The following ADAMTS12 variants were observed in gnomAD, a reference collection of about 807,000 sequenced individuals.
ADAMTS12 encodes the protein A disintegrin and metalloproteinase with thrombospondin motifs 12.
Under a neutral mutation model 167.8 loss-of-function variants are expected in ADAMTS12, and 118 were observed. The observed-to-expected ratio is 0.70, with a 90% CI of 0.61 to 0.82. The LOEUF is 0.82. Among genes scored for constraint, ADAMTS12 ranks in the 40% least tolerant of loss-of-function variants. ADAMTS12 has a pLI of 0.00. For synonymous variants in ADAMTS12, 704 were observed against 716.9 expected (o/e 0.98, Z 0.29); for missense variants, 1,916 against 1,998.8 (o/e 0.96, Z 0.79).
chr5:33,866,883 CAAT>C (rs1749842097), intron 2 of ADAMTS12, among the ~76,000 whole-genome samples: 1 of 151,636 alleles, frequency 6.6e-6, no homozygotes, highest in Admixed American at 6.6e-5. Context: ...ATTCAAACTA[CAAT>C]GAGATACTAT....
chr5:33,593,149 C>A (rs946658418), intron 17 of ADAMTS12, among the ~76,000 whole-genome samples: 1 of 152,018 alleles, frequency 6.6e-6, no homozygotes, highest in Non-Finnish European at 1.5e-5. Context: ...TGGTGGTGTG[C>A]GCCTGTAATC....
At chr5:33,665,212 T>C (rs890828793) in intron 5 of ADAMTS12, among the ~76,000 whole-genome samples, 2 of 152,074 alleles carry the variant, frequency 1.3e-5, no homozygotes, top group Admixed American at 1.3e-4. Flanking sequence ...AAAGTAAAAC[T>C]GAGAAGCAGA....
At chr5:33,628,156 G>A (rs766118036) in intron 13 of ADAMTS12, among the ~76,000 whole-genome samples, 42 of 152,228 alleles carry the variant, frequency 2.8e-4, no homozygotes, top group South Asian at 6.2e-4. Flanking sequence ...CCAACGTTAT[G>A]CTGACTGTGT....
intron 5 of ADAMTS12, among the ~76,000 whole-genome samples, chr5:33,677,686 T>C (rs1030230333): frequency 6.6e-6 from 1 of 152,224 alleles, no homozygotes; most frequent in African/African-American, 2.4e-5. Context: ...GACAGGGACA[T>C]GACAGGAGTG....
intron 18 of ADAMTS12, among the ~76,000 whole-genome samples, chr5:33,587,063 C>T (rs1319333309): frequency 3.3e-5 from 5 of 150,604 alleles, no homozygotes; most frequent in African/African-American, 1.2e-4. Context: ...TTTAATTTCA[C>T]CTAGATGCCC....
At chr5:33,625,236 T>C (rs763485669) in intron 13 of ADAMTS12, among the ~76,000 whole-genome samples, 36 of 152,128 alleles carry the variant, frequency 2.4e-4, no homozygotes, top group Admixed American at 1.0e-3. Flanking sequence ...TGTCTTTAAT[T>C]TCCTTTAGGT....
chr5:33,698,076 C>T (rs1742851031), intron 3 of ADAMTS12, among the ~76,000 whole-genome samples: 2 of 152,144 alleles, frequency 1.3e-5, no homozygotes, highest in African/African-American at 4.8e-5. Flanking sequence ...GAGGGGAGAG[C>T]CAACTGAGTA....
At chr5:33,662,461 A>C (rs966987505) in intron 5 of ADAMTS12, among the ~76,000 whole-genome samples, 1 of 152,218 alleles carries the variant, frequency 6.6e-6, no homozygotes, top group Non-Finnish European at 1.5e-5. Flanking sequence ...TTCTCATGAG[A>C]CATCCTGCAA....
At chr5:33,735,742 G>A (rs1046043480) in intron 3 of ADAMTS12, among the ~76,000 whole-genome samples, 4 of 152,262 alleles carry the variant, frequency 2.6e-5, no homozygotes, top group Non-Finnish European at 4.4e-5. Context: ...GTCAATGAAT[G>A]TCCAGCACGG....
chr5:33,617,309 T>A (rs1197746062), intron 14 of ADAMTS12, among the ~76,000 whole-genome samples: 1 of 152,130 alleles, frequency 6.6e-6, no homozygotes, highest in Non-Finnish European at 1.5e-5. Context: ...TTTGGTCTGA[T>A]GAGCAAGCCC....
At chr5:33,810,811 CT>C (rs893588278) in intron 2 of ADAMTS12, among the ~76,000 whole-genome samples, 31 of 152,210 alleles carry the variant, frequency 2.0e-4, no homozygotes, top group African/African-American at 7.5e-4. Flanking sequence ...ACAATGGCCC[CT>C]GGAGACAATG....
At chr5:33,594,746 G>C (rs1208130602) in intron 17 of ADAMTS12, among the ~76,000 whole-genome samples, 17 of 152,176 alleles carry the variant, frequency 1.1e-4, no homozygotes, top group Non-Finnish European at 1.6e-4. Context: ...AAAAGCCACA[G>C]AACAGAAGAG....
At chr5:33,774,727 A>C (rs2112431073) in intron 2 of ADAMTS12, among the ~76,000 whole-genome samples, 1 of 152,252 alleles carries the variant, frequency 6.6e-6, no homozygotes, top group South Asian at 2.1e-4. Flanking sequence ...TACAACATTA[A>C]CCCATTTTGT....
chr5:33,762,721 C>T (rs1303191780), intron 2 of ADAMTS12, among the ~76,000 whole-genome samples: 1 of 152,030 alleles, frequency 6.6e-6, no homozygotes, highest in Non-Finnish European at 1.5e-5. Flanking sequence ...AGGAAATGTA[C>T]AACATAATCT....
chr5:33,739,926 A>T (rs1744506190), intron 3 of ADAMTS12, among the ~76,000 whole-genome samples: 1 of 152,244 alleles, frequency 6.6e-6, no homozygotes, highest in East Asian at 1.9e-4. Flanking sequence ...CAGTGTGTAC[A>T]AGCCCACTTG....
At chr5:33,778,575 T>C (rs888875038) in intron 2 of ADAMTS12, among the ~76,000 whole-genome samples, 1 of 152,062 alleles carries the variant, frequency 6.6e-6, no homozygotes, top group Admixed American at 6.5e-5. Context: ...GAAGACAACT[T>C]AGGGAGAAAA....
intron 19 of ADAMTS12, among the ~76,000 whole-genome samples, chr5:33,572,684 G>A (rs1746447231): frequency 6.9e-6 from 1 of 144,640 alleles, no homozygotes; most frequent in Admixed American, 7.1e-5. Context: ...TTTGAAAACT[G>A]GCACAAGACA....
At chr5:33,633,673 A>T (rs1242926589) in intron 12 of ADAMTS12, among the ~76,000 whole-genome samples, 1 of 151,984 alleles carries the variant, frequency 6.6e-6, no homozygotes. Flanking sequence ...GGCTGTGGTT[A>T]TATCATTAAG....
At chr5:33,695,430 ATTTAT>A (rs1742720281) in intron 3 of ADAMTS12, among the ~76,000 whole-genome samples, 2 of 152,210 alleles carry the variant, frequency 1.3e-5, no homozygotes, top group South Asian at 2.1e-4. Context: ...TGACATAGAG[ATTTAT>A]TTTAAAGAGT....
Sources: gnomAD v4.1 joint callset for allele counts (sites outside exome capture counted in the v4.1 genomes callset) on GRCh38, gnomAD v4.1.1 for gene constraint, MANE v1.5 for transcripts, NCBI Gene and HGNC (gene_info 2026-07-23, HGNC 2026-07-21) for gene names.